The following KIAA1671 variants were observed in gnomAD, a reference collection of about 807,000 sequenced individuals.
The protein encoded by KIAA1671 is KIAA1671.
In KIAA1671, 52 loss-of-function variants were observed where a neutral mutation model predicts 131.2. The observed-to-expected ratio is 0.40, with a 90% CI of 0.32 to 0.50. KIAA1671 has a LOEUF of 0.50. KIAA1671 is among the 20% of genes least tolerant of loss of function. The probability of loss-of-function intolerance (pLI) is 0.73; values close to 1 mark genes in which losing one functional copy is unlikely to be tolerated. For missense variants in KIAA1671, 2,360 were observed against 2,364.2 expected (o/e 1.00, Z 0.04); for synonymous variants, 1,003 against 961.6 (o/e 1.04, Z -0.80).
intron 1 of KIAA1671, among the ~76,000 whole-genome samples, chr22:24,954,830 G>A (rs959924645): frequency 6.6e-6 from 1 of 152,184 alleles, no homozygotes; most frequent in Non-Finnish European, 1.5e-5. Context: ...GCCCAGGCTA[G>A]AGTGCAATGG....
chr22:25,032,999 T>G (rs1472176267), intron 4 of KIAA1671, among the ~76,000 whole-genome samples: 1 of 152,088 alleles, frequency 6.6e-6, no homozygotes, highest in Non-Finnish European at 1.5e-5. Flanking sequence ...AATACTAAAA[T>G]TTAGGTTTAA....
At chr22:25,131,348 C>T (rs942299458) in intron 6 of KIAA1671, among the ~76,000 whole-genome samples, 12 of 152,170 alleles carry the variant, frequency 7.9e-5, no homozygotes, top group East Asian at 1.9e-4. Flanking sequence ...ACAAAGTGCC[C>T]GGCACGTGCC....
chr22:25,162,678 A>G (rs1472574774), intron 6 of KIAA1671, among the ~76,000 whole-genome samples: 1 of 152,232 alleles, frequency 6.6e-6, no homozygotes, highest in Non-Finnish European at 1.5e-5. Flanking sequence ...AAGAGCCTCT[A>G]TAGATCAGAG....
At chr22:25,148,042 C>T (rs1022863841) in intron 6 of KIAA1671, among the ~76,000 whole-genome samples, 1 of 147,042 alleles carries the variant, frequency 6.8e-6, no homozygotes, top group Non-Finnish European at 1.5e-5. Context: ...CTCTCCCTCC[C>T]TCTCTCTTCT....
In KIAA1671 at chr22:25,196,184, G is replaced by T. The variant is rs1490218518; in HGVS notation, c.*3783G>T. On this transcript the variant is annotated 3_prime_UTR_variant, in exon 13 of 13. Coordinates refer to ENST00000358431, the MANE Select transcript of KIAA1671 (RefSeq NM_001145206.2). ...CTTTCTTTTGACTAAATTGGCTCCT[G>T]CAGGGGGAAGGGCAGAAAGCTAGGC... The T allele has an allele frequency of 6.6e-6, 1 of 152,148 alleles. No individual in the cohort carries two copies. The highest frequency in any genetic ancestry group is 2.4e-5 in the African/African-American group (1 of 41,422). The allele number at this position is 152,148 out of a possible 1,614,324, so 9.4% of individuals were successfully genotyped here. A position where few individuals can be genotyped will look rare whatever the true frequency, so the allele number is the denominator to read the frequency against.
At chr22:24,992,837 A>AAAAAAAAAC (rs1569200546) in intron 1 of KIAA1671, among the ~76,000 whole-genome samples, 1 of 151,378 alleles carries the variant, frequency 6.6e-6, no homozygotes, top group Non-Finnish European at 1.5e-5. Flanking sequence ...AAAAAAAAAA[A>AAAAAAAAAC]AGACAATGCC....
intron 6 of KIAA1671, among the ~76,000 whole-genome samples, chr22:25,101,238 A>G (rs1930650197): frequency 6.6e-6 from 1 of 152,028 alleles, no homozygotes; most frequent in Non-Finnish European, 1.5e-5. Context: ...CAGGCAGGGG[A>G]ATTAGGTGGG....
chr22:25,026,751 C>T (rs1407810773), intron 2 of KIAA1671, among the ~76,000 whole-genome samples: 3 of 151,784 alleles, frequency 2.0e-5, no homozygotes, highest in African/African-American at 7.3e-5. Context: ...AAAGACAGAG[C>T]TAAGTGGGTG....
chr22:25,136,474 A>T (rs1932679718), intron 6 of KIAA1671, among the ~76,000 whole-genome samples: 1 of 152,186 alleles, frequency 6.6e-6, no homozygotes, highest in African/African-American at 2.4e-5. Context: ...GGATAATGTG[A>T]ATTCAGAGCT....
chr22:24,966,372 A>G (rs1602031340), intron 1 of KIAA1671, among the ~76,000 whole-genome samples: 1 of 152,162 alleles, frequency 6.6e-6, no homozygotes, highest in East Asian at 1.9e-4. Context: ...GTCACTGTAC[A>G]CTCACACCAC....
At chr22:24,983,686 C>T (rs1923350566) in intron 1 of KIAA1671, among the ~76,000 whole-genome samples, 1 of 94,152 alleles carries the variant, frequency 1.1e-5, no homozygotes, top group South Asian at 4.3e-4. Flanking sequence ...GGCAGGAGTG[C>T]GGCACAGAGG....
intron 6 of KIAA1671, among the ~76,000 whole-genome samples, chr22:25,071,666 G>A (rs569042779): frequency 2.7e-5 from 4 of 146,348 alleles, no homozygotes; most frequent in African/African-American, 7.4e-5. Flanking sequence ...GCCTGGCTGC[G>A]TGTTGGGCTC....
At chr22:25,071,513 T>C (rs1235264830) in intron 6 of KIAA1671, among the ~76,000 whole-genome samples, 1 of 151,618 alleles carries the variant, frequency 6.6e-6, no homozygotes, top group African/African-American at 2.4e-5. Context: ...ATTGATTGAT[T>C]GATTGATGTT....
At chr22:25,174,638 G>C in intron 8 of KIAA1671, 149 bp downstream of exon 8, 1 of 887,648 alleles carries the variant, frequency 1.1e-6, no homozygotes, top group South Asian at 1.9e-5. Context: ...ACTTATGCAT[G>C]TATCTTGGAC....
intron 1 of KIAA1671, among the ~76,000 whole-genome samples, chr22:24,961,442 G>A (rs578153672): frequency 1.4e-4 from 22 of 152,250 alleles, no homozygotes; most frequent in Middle Eastern, 3.4e-3. Context: ...CTCCTACATC[G>A]CAGTGGCCTT....
chr22:25,112,504 A>C (rs1931418320), intron 6 of KIAA1671: 1 of 397,944 alleles, frequency 2.5e-6, no homozygotes, highest in Non-Finnish European at 4.4e-6. Context: ...ACAACACTGA[A>C]AGCTCCTCCC....
chr22:24,960,056 C>T (rs1921931279), intron 1 of KIAA1671, among the ~76,000 whole-genome samples: 1 of 151,246 alleles, frequency 6.6e-6, no homozygotes, highest in Admixed American at 6.6e-5. Context: ...ATCACTTGTA[C>T]CTGGGAGGGA....
intron 1 of KIAA1671, among the ~76,000 whole-genome samples, chr22:25,019,700 C>T (rs1294821720): frequency 6.6e-6 from 1 of 151,818 alleles, no homozygotes; most frequent in African/African-American, 2.4e-5. Flanking sequence ...AAAAAAAATC[C>T]CTTCTGCTTC....
intron 6 of KIAA1671, among the ~76,000 whole-genome samples, chr22:25,115,311 G>A (rs1931596255): frequency 6.6e-6 from 1 of 152,186 alleles, no homozygotes; most frequent in South Asian, 2.1e-4. Flanking sequence ...TGGAATAAAA[G>A]CGGGAAGTGG....
Sources: allele counts gnomAD v4.1 joint callset (sites outside exome capture counted in the v4.1 genomes callset), GRCh38; gene constraint gnomAD v4.1.1; transcripts MANE v1.5; gene names NCBI Gene and HGNC (gene_info 2026-07-23, HGNC 2026-07-21).